FBXO47: variants seen among roughly 807,000 people sequenced by gnomAD.
FBXO47 encodes the protein F-box only protein 47.
In FBXO47, 34 loss-of-function variants were observed where a neutral mutation model predicts 53.9. That is an observed-to-expected ratio of 0.63 (90% CI 0.48 to 0.84). FBXO47 has a LOEUF of 0.84. Ranked by LOEUF, FBXO47 falls within the 40% of genes least tolerant of loss-of-function variation. The pLI is 0.00. For missense variants in FBXO47, 485 were observed against 541.3 expected, an observed-to-expected ratio of 0.90 and a Z score of 1.03; for synonymous variants, 165 against 181.6, an observed-to-expected ratio of 0.91 and a Z score of 0.73.
chr17:38,964,978 T>C (rs1401851615), intron 1 of FBXO47, among the ~76,000 whole-genome samples: 1 of 151,896 alleles, frequency 6.6e-6, no homozygotes, highest in South Asian at 2.1e-4. Flanking sequence ...CCACCACTAG[T>C]AGCTGGGATT....
chr17:38,954,099 C>A (rs961413680), intron 5 of FBXO47, among the ~76,000 whole-genome samples: 3 of 152,020 alleles, frequency 2.0e-5, no homozygotes, highest in Non-Finnish European at 2.9e-5. Context: ...TCGAGACCAG[C>A]CTGACCAACA....
At chr17:38,943,565 C>G in intron 8 of FBXO47, 25 bp downstream of exon 8, 1 of 1,411,056 alleles carries the variant, frequency 7.1e-7, no homozygotes, top group African/African-American at 1.5e-5. Flanking sequence ...TTCTATTATT[C>G]TATGTTAGTA....
At chr17:38,944,604 A>T (rs890367094) in intron 7 of FBXO47, among the ~76,000 whole-genome samples, 2 of 149,978 alleles carry the variant, frequency 1.3e-5, no homozygotes. Flanking sequence ...CGGGTGGCTG[A>T]GGCAGGAGAA....
intron 6 of FBXO47, among the ~76,000 whole-genome samples, chr17:38,948,204 T>A (rs1905033613): frequency 1.4e-5 from 2 of 144,088 alleles, no homozygotes; most frequent in African/African-American, 2.6e-5. Context: ...TTCCCTATTC[T>A]GGATTTTTTT....
chr17:38,962,110 C>T (rs535287868), intron 2 of FBXO47, 63 bp from the exon 3 acceptor site: 2 of 1,295,720 alleles, frequency 1.5e-6, no homozygotes, highest in South Asian at 1.3e-5. Context: ...TCACTATTAA[C>T]ACAGTCTATT....
intron 3 of FBXO47, among the ~76,000 whole-genome samples, chr17:38,960,525 A>C (rs1905769490): frequency 6.6e-6 from 1 of 152,112 alleles, no homozygotes; most frequent in Admixed American, 6.6e-5. Flanking sequence ...AGACTTGATC[A>C]GGGAGAAAAA....
intron 5 of FBXO47, among the ~76,000 whole-genome samples, 153 bp downstream of exon 5, chr17:38,954,703 A>G (rs1905463743): frequency 6.6e-6 from 1 of 152,162 alleles, no homozygotes. Flanking sequence ...GATAGCAAAC[A>G]CTATTAGATT....
At position 38,944,847 on chromosome 17, in the gene FBXO47, C is replaced by CGTGTGTGTGTGTGTGT. The variant is rs1462853688; in HGVS notation, c.793+112_793+113insACACACACACACACAC. The CGTGTGTGTGTGTGTGT allele has an allele frequency of 4.5e-5, 18 of 400,420 alleles. No individual in the cohort carries two copies. The South Asian group carries it at 6.8e-4, about 15-fold the overall frequency. 24.8% of individuals were successfully genotyped at this position (400,420 alleles called of 1,614,324 possible). A position where few individuals can be genotyped will look rare whatever the true frequency, so the allele number is the denominator to read the frequency against. ...GATCGCACCACTGTGTGCGTGCATG[C>CGTGTGTGTGTGTGTGT]ATGTGTGTGTGTGTGTGTGTGTGTA... is the stretch of plus-strand genomic sequence containing the variant. On this transcript the variant is annotated intron_variant, in intron 7 of 10. Transcript: ENST00000378079.
chr17:38,961,348 A>T (rs751446645), intron 3 of FBXO47, among the ~76,000 whole-genome samples: 15 of 152,238 alleles, frequency 9.9e-5, no homozygotes, highest in Non-Finnish European at 1.9e-4. Context: ...GAATGGAGTA[A>T]AAGGCATAAA....
At chr17:38,946,072 ATT>A in intron 6 of FBXO47, among the ~76,000 whole-genome samples, 11 of 128,134 alleles carry the variant, frequency 8.6e-5, no homozygotes, top group African/African-American at 3.4e-4. Flanking sequence ...ATAAATATAT[ATT>A]TATATATAAA....
At chr17:38,951,395 T>C (rs1905273931) in intron 6 of FBXO47, among the ~76,000 whole-genome samples, 186 bp downstream of exon 6, 1 of 152,052 alleles carries the variant, frequency 6.6e-6, no homozygotes, top group African/African-American at 2.4e-5. Context: ...GGTCTCGCTA[T>C]GTTGCCTAGG....
At chr17:38,955,932 T>C (rs113235782) in intron 4 of FBXO47, among the ~76,000 whole-genome samples, 2,417 of 125,492 alleles carry the variant, frequency 0.019, 79 homozygotes, top group African/African-American at 0.072. Context: ...CACTCCAGCC[T>C]AGGCGGCAGA....
At chr17:38,952,465 G>A (rs11869402) in intron 5 of FBXO47, among the ~76,000 whole-genome samples, 11,273 of 151,702 alleles carry the variant, frequency 0.074, 1,246 homozygotes, top group African/African-American at 0.24. Context: ...CAAAACTTGG[G>A]AAGCTCCAAA....
At position 38,963,065 on chromosome 17, in the gene FBXO47, C is replaced by A; in HGVS notation, c.-26-14G>T. 3 of 1,480,196 alleles carry A rather than the reference C, an allele frequency of 2.0e-6. No individual in the cohort carries two copies. Among genetic ancestry groups the A allele is most frequent in the Non-Finnish European group, 2.8e-6 (3 of 1,071,952 alleles). 91.7% of individuals were successfully genotyped at this position (1,480,196 alleles called of 1,614,324 possible). Reference sequence around the variant, plus strand: ...CACAAATTTATCCTGGTCAGAAAAACAAAGTACAAGAGACAAGAAAGAAAG... The same window carrying A: ...CACAAATTTATCCTGGTCAGAAAAAAAAAGTACAAGAGACAAGAAAGAAAG... On this transcript the variant is annotated splice_polypyrimidine_tract_variant and intron_variant, in intron 1 of 10. Transcript: ENST00000378079.
chr17:38,953,639 T>A lies in FBXO47; in HGVS notation c.507+1217A>T, dbSNP rs372440312. On this transcript the variant is annotated intron_variant, in intron 5 of 10. Coordinates refer to ENST00000378079, the MANE Select transcript of FBXO47 (RefSeq NM_001008777.3). ...GACTCTGCCTCAAAAATAAATAAAT[T>A]AATTAATTAATAAAAACTAATCTTA... 5.9e-4 allele frequency among the ~76,000 whole-genome samples: 90 copies of A among 151,958 alleles called. No homozygotes were observed. The East Asian group carries it at 7.4e-3, about 12-fold the overall frequency.
At position 38,944,336 on chromosome 17, in the gene FBXO47, G is replaced by A. The variant is rs1372931809; in HGVS notation, c.794-600C>T. ...AGCCCAAGAGGTTGAGAGCAACCTG[G>A]GTACCAAAGTGGGACCCTGCAGGAG... is the stretch of plus-strand genomic sequence containing the variant. On this transcript the variant is annotated intron_variant, in intron 7 of 10. Coordinates refer to ENST00000378079, the MANE Select transcript of FBXO47 (RefSeq NM_001008777.3). Among the ~76,000 whole-genome samples the A allele has an allele frequency of 7.3e-5, 11 of 151,408 alleles. No homozygotes were observed. The Admixed American group carries it at 7.3e-4, about 10-fold the overall frequency.
chr17:38,938,380 T>C (rs1019064853), intron 10 of FBXO47, among the ~76,000 whole-genome samples, 193 bp downstream of exon 10: 1 of 152,152 alleles, frequency 6.6e-6, no homozygotes, highest in Admixed American at 6.5e-5. Flanking sequence ...AGGAACTAAA[T>C]ATATTGCAAG....
chr17:38,938,369 C>A (rs1282088339), intron 10 of FBXO47, among the ~76,000 whole-genome samples: 1 of 151,966 alleles, frequency 6.6e-6, no homozygotes, highest in Non-Finnish European at 1.5e-5. Context: ...TGACGAAAGC[C>A]AGGAACTAAA....
intron 4 of FBXO47, among the ~76,000 whole-genome samples, chr17:38,956,177 G>A (rs1038787026): frequency 6.6e-6 from 1 of 151,682 alleles, no homozygotes; most frequent in African/African-American, 2.4e-5. Context: ...CATGCTTTAG[G>A]AAGAGTAATC....
Sources: allele counts gnomAD v4.1 joint callset (sites outside exome capture counted in the v4.1 genomes callset), GRCh38; gene constraint gnomAD v4.1.1; transcripts MANE v1.5; gene names NCBI Gene and HGNC (gene_info 2026-07-23, HGNC 2026-07-21).